Variants in VPS37B observed in about 807,000 individuals in gnomAD.
VPS37B encodes vacuolar protein sorting-associated protein 37B.
A neutral mutation model predicts 21.2 loss-of-function variants in VPS37B; 11 were observed. That is an observed-to-expected ratio of 0.52 (90% CI 0.33 to 0.86). The LOEUF is 0.86. VPS37B is among the 40% of genes least tolerant of loss of function. The probability of loss-of-function intolerance (pLI) is 0.03; values close to 1 mark genes in which losing one functional copy is unlikely to be tolerated. For missense variants in VPS37B, 389 were observed against 374.8 expected (o/e 1.04, Z -0.31); for synonymous variants, 175 against 159.6 (o/e 1.10, Z -0.73).
intron 1 of VPS37B, chr12:122,884,546 C>G (rs1450038117): frequency 6.6e-6 from 1 of 152,100 alleles, no homozygotes; most frequent in Non-Finnish European, 1.5e-5. Flanking sequence ...TGGGAGTGAA[C>G]ACATTTGATC....
chr12:122,894,604 G>A (rs370060354), intron 1 of VPS37B, among the ~76,000 whole-genome samples: 13 of 152,228 alleles, frequency 8.5e-5, no homozygotes, highest in African/African-American at 3.1e-4. Flanking sequence ...GAGACATAAA[G>A]GAGTGGTAGG....
rs1308533731 is a variant in VPS37B, at chr12:122,890,741, ATAT to A, written c.111+5208_111+5210del. 6.6e-5 allele frequency among the ~76,000 whole-genome samples: 10 copies of A among 152,324 alleles called. No homozygotes were observed. The East Asian group carries it at 1.5e-3, about 23-fold the overall frequency. On this transcript the variant is annotated intron_variant, in intron 1 of 3. Transcript: ENST00000267202. ...CAGTTCAGTGGCACCGAGTACATTCATATTATTATGCCACCATCACCACCATCT... is the reference window on the plus strand; with the variant it reads ...CAGTTCAGTGGCACCGAGTACATTCATATTATGCCACCATCACCACCATCT...
chr12:122,894,014 CAACAA>C (rs2034453743), intron 1 of VPS37B, among the ~76,000 whole-genome samples: 1 of 152,102 alleles, frequency 6.6e-6, no homozygotes, highest in Non-Finnish European at 1.5e-5. Flanking sequence ...AATGTTCCAC[CAACAA>C]AGCTACAGTA....
At position 122,875,866 on chromosome 12, in the gene VPS37B, AT is replaced by A. The variant is rs1177924789; in HGVS notation, c.112-4806del. On this transcript the variant is annotated intron_variant, in intron 1 of 3. Coordinates refer to ENST00000267202, the MANE Select transcript of VPS37B (RefSeq NM_024667.3). ...AAACTAAAAAAAAAAAAAAAAAAAA[AT>A]CTTAAGTTGCCACTGTCTTTGTTTC... 4 of 151,700 alleles carry A rather than the reference AT, an allele frequency of 2.6e-5. No individual in the cohort carries two copies. The East Asian group carries it at 5.8e-4, about 22-fold the overall frequency. 9.4% of individuals were successfully genotyped at this position (151,700 alleles called of 1,614,324 possible).
In VPS37B at chr12:122,890,500, T is replaced by A. The variant is rs141701520; in HGVS notation, c.111+5452A>T. On this transcript the variant is annotated intron_variant, in intron 1 of 3. Coordinates refer to ENST00000267202, the MANE Select transcript of VPS37B (RefSeq NM_024667.3). ...GTGTGTGCCACTATGCCCAGCTAAT[T>A]TATTTTTTGTAGAGATGGAGTTTCG... 1.3e-3 allele frequency among the ~76,000 whole-genome samples: 192 copies of A among 152,180 alleles called. 2 individuals are homozygous for A. The highest frequency in any genetic ancestry group is 6.8e-3 in the Middle Eastern group (2 of 294).
At position 122,894,547 on chromosome 12, in the gene VPS37B, C is replaced by T. The variant is rs181553327; in HGVS notation, c.111+1405G>A. ...AAGCCAAAAGCCCCCACACGGGCTCCTGGGTGAGAGGCTCAGCACTGTAGG... is the reference window on the plus strand; with the variant it reads ...AAGCCAAAAGCCCCCACACGGGCTCTTGGGTGAGAGGCTCAGCACTGTAGG... On this transcript the variant is annotated intron_variant, in intron 1 of 3. Coordinates refer to ENST00000267202, the MANE Select transcript of VPS37B (RefSeq NM_024667.3). Among the ~76,000 whole-genome samples, 166 of 152,342 alleles carry T rather than the reference C, an allele frequency of 1.1e-3. 2 individuals carry two copies. The highest frequency in any genetic ancestry group is 3.6e-3 in the African/African-American group (150 of 41,566).
intron 1 of VPS37B, chr12:122,888,829 G>C: frequency 3.3e-6 from 1 of 304,074 alleles, no homozygotes; most frequent in Non-Finnish European, 6.6e-6. Flanking sequence ...CAAGCACTTG[G>C]AGGAGAGTGG....
At chr12:122,871,930 G>A (rs1000119167) in intron 1 of VPS37B, 1 of 985,356 alleles carries the variant, frequency 1.0e-6, no homozygotes, top group Non-Finnish European at 1.2e-6. Flanking sequence ...CAGCCCAGCC[G>A]CCGCCACCTC....
chr12:122,868,662 C>G lies in VPS37B; in HGVS notation c.284-100G>C. On this transcript the variant is annotated intron_variant, in intron 2 of 3. Coordinates refer to ENST00000267202, the MANE Select transcript of VPS37B (RefSeq NM_024667.3). This position sits in a 1 kb window ranked among gnomAD's most constrained non-coding sequence, Gnocchi z 5.5. ...GGATTGCACCTTCCTTTCCAGGAAG[C>G]TGAATGTGAAAGGCTTGAAAACCTA... 9.4e-7 allele frequency: 1 copy of G among 1,064,024 alleles called. No individual in the cohort carries two copies. Among genetic ancestry groups the G allele is most frequent in the Non-Finnish European group, 1.4e-6 (1 of 717,350 alleles). 65.9% of individuals were successfully genotyped at this position (1,064,024 alleles called of 1,614,324 possible).
chr12:122,876,286 A>C (rs1176830263), intron 1 of VPS37B: 5 of 152,164 alleles, frequency 3.3e-5, no homozygotes, highest in Admixed American at 3.3e-4. Flanking sequence ...AGCACGCATA[A>C]CTTTGTAGAG....
intron 1 of VPS37B, chr12:122,872,589 G>A (rs1286393462): frequency 1.6e-5 from 16 of 985,242 alleles, no homozygotes; most frequent in South Asian, 4.7e-5. Flanking sequence ...CCCGTCACCC[G>A]CTTCCCCACC....
chr12:122,886,581 A>G (rs1205862365), intron 1 of VPS37B: 5 of 152,252 alleles, frequency 3.3e-5, no homozygotes, highest in Non-Finnish European at 7.3e-5. Flanking sequence ...CCTGGGCGAC[A>G]GAGACCCTGT....
chr12:122,894,724 C>T (rs995862869), intron 1 of VPS37B, among the ~76,000 whole-genome samples: 5 of 152,186 alleles, frequency 3.3e-5, no homozygotes, highest in Admixed American at 1.3e-4. Flanking sequence ...AGAAAGGGAG[C>T]ACACACTGCA....
At position 122,871,254 on chromosome 12, in the gene VPS37B, G is replaced by A. The variant is rs1164358395; in HGVS notation, c.112-193C>T. The A allele has an allele frequency of 1.5e-5, 21 of 1,356,898 alleles. No homozygotes were observed. In the South Asian group the frequency reaches 1.8e-4, roughly 12 times the overall value. 84.1% of individuals were successfully genotyped at this position (1,356,898 alleles called of 1,614,324 possible). A position where few individuals can be genotyped will look rare whatever the true frequency, so the allele number is the denominator to read the frequency against. ...GGTTTCTCATTTGGAGCTGCTGCCC[G>A]TCGTAAAGAATGAGGCCGACTTCCT... On this transcript the variant is annotated intron_variant, in intron 1 of 3. Transcript: ENST00000267202.
Position 122,867,091 on chromosome 12 carries a change from C to T in VPS37B, c.*25G>A. 1 of 1,499,576 alleles carries T rather than the reference C, an allele frequency of 6.7e-7. No individual in the cohort carries two copies. Among genetic ancestry groups the T allele is most frequent in the Non-Finnish European group, 8.9e-7 (1 of 1,128,930 alleles). The allele number at this position is 1,499,576 out of a possible 1,614,324, so 92.9% of individuals were successfully genotyped here. A position where few individuals can be genotyped will look rare whatever the true frequency, so the allele number is the denominator to read the frequency against. On this transcript the variant is annotated 3_prime_UTR_variant, in exon 4 of 4. Coordinates refer to ENST00000267202, the MANE Select transcript of VPS37B (RefSeq NM_024667.3). This position sits in a 1 kb window ranked among gnomAD's most constrained non-coding sequence, Gnocchi z 5.5. ...GCACAACACGCCAGGTGGAAGAAGTCTCCCGGGAAGGACCGCGCCGGCGCT... is the reference window on the plus strand; with the variant it reads ...GCACAACACGCCAGGTGGAAGAAGTTTCCCGGGAAGGACCGCGCCGGCGCT...
At chr12:122,892,325 T>G (rs151094167) in intron 1 of VPS37B, among the ~76,000 whole-genome samples, 428 of 152,216 alleles carry the variant, frequency 2.8e-3, no homozygotes, top group African/African-American at 9.5e-3. Flanking sequence ...CTACTTAAAC[T>G]GCACTGAAAC....
At chr12:122,883,497 CTTTTTTT>C (rs1003971957) in intron 1 of VPS37B, 8 of 151,802 alleles carry the variant, frequency 5.3e-5, no homozygotes, top group African/African-American at 1.9e-4. Context: ...TTTCTTTTTT[CTTTTTTT>C]TGAGACAAGA....
intron 2 of VPS37B, among the ~76,000 whole-genome samples, chr12:122,869,224 A>G (rs1399565585): frequency 1.3e-5 from 2 of 152,238 alleles, no homozygotes; most frequent in Non-Finnish European, 2.9e-5. Context: ...ATTTTATTAT[A>G]AGGTAATAAA....
intron 1 of VPS37B, chr12:122,883,888 T>C (rs1011403015): frequency 6.6e-6 from 1 of 152,214 alleles, no homozygotes; most frequent in Non-Finnish European, 1.5e-5. Context: ...CAGGTGTCAA[T>C]GGTTCTGATA....
Sources: allele counts gnomAD v4.1 joint callset (sites outside exome capture counted in the v4.1 genomes callset), GRCh38; gene constraint gnomAD v4.1.1; non-coding constraint Gnocchi (gnomAD v3.1); transcripts MANE v1.5; gene names NCBI Gene and HGNC (gene_info 2026-07-23, HGNC 2026-07-21).